CLCN5: variants seen among roughly 807,000 people sequenced by gnomAD.
CLCN5 encodes H(+)/Cl(-) exchange transporter 5.
CLCN5 carries 17 observed loss-of-function variants against 54.0 expected under a neutral mutation model. The ratio of observed to expected loss-of-function variants is 0.31; its 90% CI spans 0.22 to 0.47. The LOEUF is 0.47. Among genes scored for constraint, CLCN5 ranks in the 20% least tolerant of loss-of-function variants. The pLI is 1.00. For missense variants in CLCN5, 448 were observed against 646.7 expected (o/e 0.69, Z 3.33); for synonymous variants, 222 against 233.0 (o/e 0.95, Z 0.43).
intron 3 of CLCN5, among the ~76,000 whole-genome samples, chrX:50,017,497 A>T (rs1478399729): frequency 8.9e-6 from 1 of 111,999 alleles, no homozygotes; most frequent in Admixed American, 9.5e-5. Context: ...AGTCCAGTCT[A>T]TCAATTTTTT....
intron 3 of CLCN5, among the ~76,000 whole-genome samples, chrX:49,946,234 G>C (rs782400483): frequency 8.9e-6 from 1 of 111,949 alleles, no homozygotes; most frequent in Admixed American, 9.5e-5. Context: ...GCTGCATAAT[G>C]AATTACCACA....
chrX:50,066,822 G>A (rs1230799627), intron 4 of CLCN5, among the ~76,000 whole-genome samples: 3 of 112,110 alleles, frequency 2.7e-5, no homozygotes, highest in South Asian at 3.7e-4. Context: ...CTATACTCTG[G>A]GTTTTCAAAG....
chrX:49,955,541 G>A (rs903270412), intron 3 of CLCN5, among the ~76,000 whole-genome samples: 3 of 109,801 alleles, frequency 2.7e-5, no homozygotes, highest in Non-Finnish European at 1.9e-5. Flanking sequence ...AATGACTTTC[G>A]TGTGCTTTCC....
intron 4 of CLCN5, among the ~76,000 whole-genome samples, chrX:50,063,402 A>G (rs782245034): frequency 1.0e-4 from 11 of 107,949 alleles, no homozygotes; most frequent in African/African-American, 3.6e-4. Context: ...TAAACTAGAA[A>G]ATCTAGAACA....
chrX:50,009,808 C>T (rs782136867), intron 3 of CLCN5: 6 of 384,314 alleles, frequency 1.6e-5, no homozygotes, highest in South Asian at 1.4e-4. Context: ...GGGTGAGCCC[C>T]CTCTGCGTGG....
chrX:49,951,709 G>A, intron 3 of CLCN5, among the ~76,000 whole-genome samples: 1 of 111,977 alleles, frequency 8.9e-6, no homozygotes, highest in South Asian at 3.7e-4. Flanking sequence ...AAGATGGATA[G>A]GATTTCAGTA....
At chrX:49,999,409 CT>C (rs782377247) in intron 3 of CLCN5, among the ~76,000 whole-genome samples, 1,695 of 91,142 alleles carry the variant, frequency 0.019, 29 homozygotes, top group African/African-American at 0.054. Flanking sequence ...GTGGACTTTG[CT>C]TTTTTTTTTT....
intron 3 of CLCN5, among the ~76,000 whole-genome samples, chrX:50,039,031 C>T (rs1261225821): frequency 8.9e-6 from 1 of 112,117 alleles, no homozygotes; most frequent in East Asian, 2.8e-4. Context: ...GTAATCCCAA[C>T]ACTTTGGGAG....
At chrX:50,086,939 A>G (rs1406219509) in intron 11 of CLCN5, 69 bp downstream of exon 11, 3 of 991,802 alleles carry the variant, frequency 3.0e-6, no homozygotes, top group African/African-American at 1.9e-5. Context: ...GAGCCCAGGT[A>G]TCATACAATC....
rs1557194903 is a variant in CLCN5 at position 50,092,203 on chromosome X, C to T, written c.2435C>T (p.Ser812Phe). Reference sequence around the variant, plus strand: ...CAGATGGCGAACCAAGATCCTGATTCCATTCTCTTCAACTAGAATCATAGA... The same window carrying T: ...CAGATGGCGAACCAAGATCCTGATTTCATTCTCTTCAACTAGAATCATAGA... ...IAQMANQDPD[S>F]ILFN Residue 812 changes from serine to phenylalanine, a missense_variant, in exon 15 of 15, where the codon TCC becomes TTC. Coordinates refer to ENST00000376091, the MANE Select transcript of CLCN5 (RefSeq NM_001127898.4). The T allele has an allele frequency of 8.5e-7, 1 of 1,183,176 alleles. No individual in the cohort carries two copies. The highest frequency in any genetic ancestry group is 1.2e-6 in the Non-Finnish European group (1 of 869,412).
intron 7 of CLCN5, among the ~76,000 whole-genome samples, chrX:50,077,621 A>AGT (rs34262397): frequency 0.15 from 11,814 of 78,520 alleles, 971 homozygotes; most frequent in Non-Finnish European, 0.2. Flanking sequence ...AGAGAGAGAG[A>AGT]GTGTGTGTGT....
intron 3 of CLCN5, among the ~76,000 whole-genome samples, chrX:49,958,109 A>G (rs1181893515): frequency 1.8e-5 from 2 of 111,631 alleles, no homozygotes; most frequent in African/African-American, 6.5e-5. Context: ...GTCCCTTTAT[A>G]TAGCCACATC....
Position 50,083,017 on chromosome X carries a change from C to G in CLCN5, c.933+1170C>G, listed in dbSNP as rs1933759651. Among the ~76,000 whole-genome samples the G allele has an allele frequency of 2.7e-5, 3 of 110,611 alleles. 1 individual carries two copies. Among genetic ancestry groups the G allele is most frequent in the African/African-American group, 9.9e-5 (3 of 30,412 alleles). On this transcript the variant is annotated intron_variant, in intron 9 of 14. Coordinates refer to ENST00000376091, the MANE Select transcript of CLCN5 (RefSeq NM_001127898.4). The stretch of plus-strand genomic sequence containing the variant: ...GGAAGGACTTTTTTAAAAAAAAGTT[C>G]CAAGTCATTGGTTTACTTTTTTCTT...
chrX:49,926,001 T>C (rs1557167958), intron 3 of CLCN5, among the ~76,000 whole-genome samples: 2 of 111,735 alleles, frequency 1.8e-5, no homozygotes, highest in Admixed American at 9.5e-5. Flanking sequence ...TTTATTGTTA[T>C]CAAAAGTGAG....
At chrX:50,042,985 A>G (rs782110047) in intron 4 of CLCN5, among the ~76,000 whole-genome samples, 1 of 111,544 alleles carries the variant, frequency 9.0e-6, no homozygotes, top group Non-Finnish European at 1.9e-5. Context: ...CACCCTTAAC[A>G]GCACTTGGTA....
intron 4 of CLCN5, among the ~76,000 whole-genome samples, chrX:50,063,529 C>A (rs1285283947): frequency 9.4e-6 from 1 of 106,724 alleles, no homozygotes; most frequent in Non-Finnish European, 1.9e-5. Flanking sequence ...AGTTTACCAA[C>A]CAAAAAGAGT....
chrX:49,990,832 A>T (rs1557178856), intron 3 of CLCN5, among the ~76,000 whole-genome samples: 45 of 109,732 alleles, frequency 4.1e-4, no homozygotes, highest in Non-Finnish European at 1.9e-5. Flanking sequence ...TAGTAACTTT[A>T]CTTAGAATAA....
intron 4 of CLCN5, among the ~76,000 whole-genome samples, chrX:50,054,963 T>A (rs1462060578): frequency 9.0e-6 from 1 of 111,466 alleles, no homozygotes; most frequent in African/African-American, 3.3e-5. Context: ...ATGTGCCATA[T>A]GTTTCTAAGA....
rs782575529 is a variant in CLCN5 at position 49,975,902 on chromosome X, C to T, written c.16+50588C>T. 8.9e-5 allele frequency among the ~76,000 whole-genome samples: 10 copies of T among 111,968 alleles called. No individual in the cohort carries two copies. In the East Asian group the frequency reaches 2.0e-3, roughly 22 times the overall value. On this transcript the variant is annotated intron_variant, in intron 3 of 14. Coordinates refer to ENST00000376091, the MANE Select transcript of CLCN5 (RefSeq NM_001127898.4). ...TTAGTCTAACTTGGTGGTTCTTAAC[C>T]AGTGGTGATTTTGCTTTTCCAAAGA...
Sources: gnomAD v4.1 joint callset for allele counts (sites outside exome capture counted in the v4.1 genomes callset) on GRCh38, gnomAD v4.1.1 for gene constraint, MANE v1.5 for transcripts, NCBI Gene and HGNC (gene_info 2026-07-23, HGNC 2026-07-21) for gene names.